ZMYM4: variants seen among roughly 807,000 people sequenced by gnomAD.
ZMYM4 encodes the protein zinc finger MYM-type containing 4.
ZMYM4 carries 31 observed loss-of-function variants against 183.2 expected under a neutral mutation model. The ratio of observed to expected loss-of-function variants is 0.17; its 90% CI spans 0.13 to 0.23. The LOEUF is 0.23. Ranked by LOEUF, ZMYM4 falls within the 10% of genes least tolerant of loss-of-function variation. The probability of loss-of-function intolerance (pLI) is 1.00; values close to 1 mark genes in which losing one functional copy is unlikely to be tolerated. For synonymous variants in ZMYM4, 592 were observed against 631.2 expected, an observed-to-expected ratio of 0.94 and a Z score of 0.93; for missense variants, 1,273 against 1,840.3, an observed-to-expected ratio of 0.69 and a Z score of 5.64.
chr1:35,315,550 A>C (rs916868732), intron 1 of ZMYM4, among the ~76,000 whole-genome samples: 3 of 152,196 alleles, frequency 2.0e-5, no homozygotes, highest in Admixed American at 6.5e-5. Flanking sequence ...ATTTCTGTGA[A>C]CTAATCATTT....
intron 2 of ZMYM4, among the ~76,000 whole-genome samples, chr1:35,352,383 A>AGCGT (rs1553171650): frequency 9.6e-6 from 1 of 104,646 alleles, no homozygotes; most frequent in African/African-American, 5.4e-5. Context: ...TTTAAAAATT[A>AGCGT]GCGCACACAC....
chr1:35,364,540 A>G (rs1438485995), intron 5 of ZMYM4, among the ~76,000 whole-genome samples: 1 of 152,070 alleles, frequency 6.6e-6, no homozygotes, highest in Admixed American at 6.6e-5. Flanking sequence ...TGCATAATTT[A>G]TTACTTTTAT....
At chr1:35,411,187 CTT>C (rs1019150941) in intron 26 of ZMYM4, among the ~76,000 whole-genome samples, 20 of 131,454 alleles carry the variant, frequency 1.5e-4, no homozygotes, top group Non-Finnish European at 1.8e-4. Context: ...TTTCTTTTTT[CTT>C]TTTTTTTTTT....
chr1:35,403,059 G>A (rs529328724), intron 23 of ZMYM4, among the ~76,000 whole-genome samples: 3 of 152,218 alleles, frequency 2.0e-5, no homozygotes, highest in African/African-American at 7.2e-5. Flanking sequence ...TTAATTTGCT[G>A]AAAGTTTTTT....
At position 35,268,790 on chromosome 1, in the gene ZMYM4, G is replaced by A. The variant is rs768250202; in HGVS notation, c.-257G>A. Among the ~76,000 whole-genome samples, 1 of 152,234 alleles carries A rather than the reference G, an allele frequency of 6.6e-6. No homozygotes were observed. Among genetic ancestry groups the A allele is most frequent in the African/African-American group, 2.4e-5 (1 of 41,468 alleles). Reference sequence around the variant, plus strand: ...ATCCTACTCACGGGGCCCCTTGGAGGCCATTAACCCCCCGAGTCCCGGCCC... The same window carrying A: ...ATCCTACTCACGGGGCCCCTTGGAGACCATTAACCCCCCGAGTCCCGGCCC... On this transcript the variant is annotated 5_prime_UTR_variant, in exon 1 of 30. Coordinates refer to ENST00000314607, the MANE Select transcript of ZMYM4 (RefSeq NM_005095.3).
intron 2 of ZMYM4, among the ~76,000 whole-genome samples, chr1:35,355,820 ATTTC>A (rs1008103645): frequency 6.6e-6 from 1 of 152,020 alleles, no homozygotes; most frequent in African/African-American, 2.4e-5. Context: ...TTACTGTTTT[ATTTC>A]TTTATGCCTA....
intron 1 of ZMYM4, among the ~76,000 whole-genome samples, chr1:35,316,002 C>T (rs1043866061): frequency 1.3e-5 from 2 of 152,062 alleles, no homozygotes; most frequent in Non-Finnish European, 1.5e-5. Context: ...GAGAATTAGA[C>T]CTACTTTTTA....
At chr1:35,286,271 T>C (rs532014759) in intron 1 of ZMYM4, among the ~76,000 whole-genome samples, 41 of 151,970 alleles carry the variant, frequency 2.7e-4, no homozygotes, top group Non-Finnish European at 5.2e-4. Flanking sequence ...AAGGAAATTT[T>C]AAGAAAACAA....
intron 1 of ZMYM4, among the ~76,000 whole-genome samples, chr1:35,300,902 A>G (rs1191443431): frequency 6.6e-6 from 1 of 152,136 alleles, no homozygotes; most frequent in Admixed American, 6.5e-5. Context: ...CTTTCTCATT[A>G]TAAATTGGCT....
chr1:35,367,434 G>A (rs1352226703), intron 5 of ZMYM4, among the ~76,000 whole-genome samples: 1 of 151,584 alleles, frequency 6.6e-6, no homozygotes, highest in Non-Finnish European at 1.5e-5. Context: ...TCACCATGTT[G>A]GCCAGGCTGG....
At chr1:35,292,012 C>A (rs1640786748) in intron 1 of ZMYM4, among the ~76,000 whole-genome samples, 1 of 152,060 alleles carries the variant, frequency 6.6e-6, no homozygotes, top group African/African-American at 2.4e-5. Flanking sequence ...TTGAGTCTTG[C>A]AAGTAAAGAC....
At chr1:35,280,583 A>G (rs1640108120) in intron 1 of ZMYM4, among the ~76,000 whole-genome samples, 1 of 152,250 alleles carries the variant, frequency 6.6e-6, no homozygotes, top group African/African-American at 2.4e-5. Flanking sequence ...TCTGGAGGCT[A>G]AAAGTTTGAA....
In ZMYM4 at chr1:35,370,367, TA is replaced by T; in HGVS notation, c.926-2del. The T allele has an allele frequency of 3.8e-6, 5 of 1,306,252 alleles. No homozygotes were observed. The highest frequency in any genetic ancestry group is 1.7e-5 in the South Asian group (1 of 58,748). The allele number at this position is 1,306,252 out of a possible 1,614,324, so 80.9% of individuals were successfully genotyped here. A position where few individuals can be genotyped will look rare whatever the true frequency, so the allele number is the denominator to read the frequency against. On this transcript the variant is annotated splice_region_variant and splice_polypyrimidine_tract_variant and intron_variant, in intron 6 of 29. Transcript: ENST00000314607. Reference sequence around the variant, plus strand: ...TTTTTTTTTTTTTTTTTTTTTTTTTTAAAGCTCCACAGTTGACTACTGGCTT... The same window carrying T: ...TTTTTTTTTTTTTTTTTTTTTTTTTTAAGCTCCACAGTTGACTACTGGCTT...
chr1:35,373,587 G>A (rs1411698341), intron 7 of ZMYM4, among the ~76,000 whole-genome samples: 2 of 146,632 alleles, frequency 1.4e-5, no homozygotes, highest in Admixed American at 7.0e-5. Context: ...TAGAGATGGC[G>A]TTTCACCATG....
chr1:35,298,767 G>A (rs1035813744), intron 1 of ZMYM4, among the ~76,000 whole-genome samples: 3 of 152,196 alleles, frequency 2.0e-5, no homozygotes, highest in African/African-American at 7.2e-5. Flanking sequence ...GCTGGCAAAG[G>A]AGAAAGTTTT....
chr1:35,388,933 G>A lies in ZMYM4; in HGVS notation c.2287G>A (p.Asp763Asn). Residue 763 changes from aspartate (D) to asparagine (N), a missense_variant, in exon 14 of 30, where the codon GAC (aspartate) becomes AAC (asparagine). Physicochemically the swap from Asp to Asn is conservative, Grantham distance 23. Around this residue, in one of 6 missense-constraint regions of ZMYM4, gnomAD observed 319 missense variants for 518.1 expected, o/e 0.62. Transcript: ENST00000314607. ...SEGCKLLYKH[D>N]LAKRWGNHCK... ...AGGTTGCAAATTGCTTTATAAACAT[G>A]ACTTGGCAAAACGCTGGGGAAATCA... 1 of 1,613,876 alleles carries A rather than the reference G, an allele frequency of 6.2e-7. No homozygotes were observed. The highest frequency in any genetic ancestry group is 1.3e-5 in the African/African-American group (1 of 75,024).
chr1:35,366,954 G>A (rs1644095873), intron 5 of ZMYM4, among the ~76,000 whole-genome samples: 1 of 151,644 alleles, frequency 6.6e-6, no homozygotes, highest in African/African-American at 2.4e-5. Context: ...AGCCTGGGAG[G>A]TGGAGGTTGC....
intron 1 of ZMYM4, among the ~76,000 whole-genome samples, chr1:35,310,696 A>G (rs1641753850): frequency 6.6e-6 from 1 of 152,012 alleles, no homozygotes; most frequent in African/African-American, 2.4e-5. Flanking sequence ...CTCCTGCTTC[A>G]GCCTCCCGAG....
At chr1:35,317,891 A>G (rs1642117745) in intron 1 of ZMYM4, among the ~76,000 whole-genome samples, 1 of 152,210 alleles carries the variant, frequency 6.6e-6, no homozygotes, top group Admixed American at 6.5e-5. Flanking sequence ...ACAAACTTAC[A>G]AACATAAATG....
Sources: allele counts gnomAD v4.1 joint callset (sites outside exome capture counted in the v4.1 genomes callset), GRCh38; gene constraint gnomAD v4.1.1; regional missense constraint gnomAD v4.1.1; transcripts MANE v1.5; gene names NCBI Gene and HGNC (gene_info 2026-07-23, HGNC 2026-07-21).